The following ZNF407 variants were observed in gnomAD, a reference collection of about 807,000 sequenced individuals.
ZNF407 encodes zinc finger protein 407.
A neutral mutation model predicts 131.2 loss-of-function variants in ZNF407; 17 were observed. That is an observed-to-expected ratio of 0.13 (90% CI 0.09 to 0.19). The LOEUF (loss-of-function observed/expected upper bound fraction) is 0.19, where lower values mean the gene tolerates loss of function less well. ZNF407 is among the 10% of genes least tolerant of loss of function. The probability of loss-of-function intolerance (pLI) is 1.00; values close to 1 mark genes in which losing one functional copy is unlikely to be tolerated. For synonymous variants in ZNF407, 1,156 were observed against 1,062.0 expected (o/e 1.09, Z -1.72); for missense variants, 2,681 against 2,830.6 (o/e 0.95, Z 1.20).
intron 3 of ZNF407, among the ~76,000 whole-genome samples, chr18:74,769,719 G>C (rs977341663): frequency 1.3e-5 from 2 of 152,216 alleles, no homozygotes; most frequent in East Asian, 3.8e-4. Flanking sequence ...GGATGCAAGC[G>C]CCTAGACTAG....
At chr18:74,660,838 A>G (rs1985682352) in intron 3 of ZNF407, among the ~76,000 whole-genome samples, 1 of 152,200 alleles carries the variant, frequency 6.6e-6, no homozygotes, top group African/African-American at 2.4e-5. Context: ...ATATTAAAAT[A>G]ATAAAGCTGT....
intron 3 of ZNF407, among the ~76,000 whole-genome samples, chr18:74,715,251 G>T (rs965722547): frequency 6.6e-6 from 1 of 152,150 alleles, no homozygotes; most frequent in Non-Finnish European, 1.5e-5. Flanking sequence ...AGCAGTCCAC[G>T]GTAACTTGTG....
At chr18:75,035,609 A>G (rs891731554) in intron 8 of ZNF407, among the ~76,000 whole-genome samples, 1 of 152,250 alleles carries the variant, frequency 6.6e-6, no homozygotes, top group Admixed American at 6.5e-5. Context: ...CAGTCATGGA[A>G]TAATGTTTTT....
intron 8 of ZNF407, among the ~76,000 whole-genome samples, chr18:75,025,122 A>G (rs887662042): frequency 1.3e-5 from 2 of 152,272 alleles, no homozygotes; most frequent in African/African-American, 2.4e-5. Context: ...CTTGACAAAA[A>G]GCTAAAACTC....
intron 8 of ZNF407, among the ~76,000 whole-genome samples, chr18:74,997,816 C>T (rs563281191): frequency 7.9e-5 from 12 of 152,188 alleles, no homozygotes; most frequent in Non-Finnish European, 1.5e-4. Flanking sequence ...TCTGCTTACC[C>T]AGCTGTCTAA....
At chr18:74,979,490 C>T (rs547266247) in intron 8 of ZNF407, among the ~76,000 whole-genome samples, 248 of 152,264 alleles carry the variant, frequency 1.6e-3, no homozygotes, top group Non-Finnish European at 3.3e-3. Context: ...CGGGGTTTCG[C>T]CATGTTGGCC....
intron 4 of ZNF407, among the ~76,000 whole-genome samples, chr18:74,854,711 C>T (rs1359656879): frequency 1.3e-5 from 2 of 151,950 alleles, no homozygotes; most frequent in Non-Finnish European, 2.9e-5. Context: ...ACCCAATGCA[C>T]TACACAGACA....
intron 4 of ZNF407, among the ~76,000 whole-genome samples, chr18:74,872,180 C>A (rs1299092869): frequency 4.1e-4 from 62 of 151,166 alleles, no homozygotes; most frequent in African/African-American, 1.5e-3. Context: ...GCCCCGCCCC[C>A]CTCCACAGGC....
chr18:74,669,849 C>T (rs553552495), intron 3 of ZNF407, among the ~76,000 whole-genome samples: 1 of 152,340 alleles, frequency 6.6e-6, no homozygotes, highest in East Asian at 1.9e-4. Flanking sequence ...TGAAAAACAT[C>T]TAAAGAATTG....
chr18:74,828,764 A>T (rs1016707593), intron 4 of ZNF407, among the ~76,000 whole-genome samples: 9 of 129,880 alleles, frequency 6.9e-5, no homozygotes, highest in Non-Finnish European at 1.6e-4. Context: ...CCAATGTGAT[A>T]CTTACTAGTG....
intron 6 of ZNF407, 109 bp from the exon 7 acceptor site, chr18:74,889,809 C>T (rs1971359865): frequency 5.0e-6 from 5 of 1,009,950 alleles, no homozygotes. Context: ...GAATCATATT[C>T]TTGACATTTC....
chr18:74,695,557 C>T (rs983500049), intron 3 of ZNF407, among the ~76,000 whole-genome samples: 3 of 150,016 alleles, frequency 2.0e-5, no homozygotes, highest in African/African-American at 4.9e-5. Context: ...AAAAAAAAAG[C>T]CCTTGATGTC....
chr18:74,829,034 C>T (rs183112908), intron 4 of ZNF407, among the ~76,000 whole-genome samples: 22 of 152,286 alleles, frequency 1.4e-4, no homozygotes, highest in Admixed American at 1.4e-3. Flanking sequence ...CAGTGGGCAG[C>T]AACTTAAAAA....
At chr18:74,629,586 ATTG>A (rs1983955748) in intron 1 of ZNF407, among the ~76,000 whole-genome samples, 1 of 151,910 alleles carries the variant, frequency 6.6e-6, no homozygotes, top group Admixed American at 6.6e-5. Context: ...TTTTTCTCGT[ATTG>A]TTCGCGCTTC....
At chr18:74,840,832 A>C (rs1160042910) in intron 4 of ZNF407, among the ~76,000 whole-genome samples, 1 of 152,144 alleles carries the variant, frequency 6.6e-6, no homozygotes, top group African/African-American at 2.4e-5. Context: ...TCATCACTAC[A>C]ATCATCTGTT....
chr18:75,033,104 C>A (rs868401227), intron 8 of ZNF407, among the ~76,000 whole-genome samples: 2 of 45,580 alleles, frequency 4.4e-5, no homozygotes, highest in African/African-American at 9.2e-5. Flanking sequence ...GGGAAGATAG[C>A]ATTAGATAAC....
intron 4 of ZNF407, among the ~76,000 whole-genome samples, chr18:74,805,179 T>A (rs1247349700): frequency 6.6e-6 from 1 of 152,210 alleles, no homozygotes; most frequent in African/African-American, 2.4e-5. Flanking sequence ...GATGAAGGTG[T>A]TTCCTTTTTC....
intron 8 of ZNF407, among the ~76,000 whole-genome samples, chr18:75,017,137 G>T (rs552810693): frequency 6.6e-6 from 1 of 152,158 alleles, no homozygotes; most frequent in South Asian, 2.1e-4. Flanking sequence ...TTTTGTCTGA[G>T]ATCTCAGTAA....
At chr18:75,046,991 T>C (rs1365480734) in intron 8 of ZNF407, among the ~76,000 whole-genome samples, 2 of 152,190 alleles carry the variant, frequency 1.3e-5, no homozygotes, top group Admixed American at 6.5e-5. Flanking sequence ...TCTATATTAA[T>C]AGGGCTATAT....
Sources: allele counts gnomAD v4.1 joint callset (sites outside exome capture counted in the v4.1 genomes callset), GRCh38; gene constraint gnomAD v4.1.1; transcripts MANE v1.5; gene names NCBI Gene and HGNC (gene_info 2026-07-23, HGNC 2026-07-21).